Variants in MDK observed in about 807,000 individuals in gnomAD.
MDK encodes midkine.
A neutral mutation model predicts 18.9 loss-of-function variants in MDK; 17 were observed. The ratio of observed to expected loss-of-function variants is 0.90; its 90% CI spans 0.62 to 1.35. MDK has a LOEUF of 1.35. MDK is among the 40% of genes most tolerant of loss of function. MDK has a pLI of 0.00. For synonymous variants in MDK, 86 were observed against 74.3 expected (o/e 1.16, Z -0.81); for missense variants, 180 against 186.3 (o/e 0.97, Z 0.20).
intron 4 of MDK, 97 bp downstream of exon 4, chr11:46,382,845 G>A (rs1282385714): frequency 7.1e-7 from 1 of 1,399,846 alleles, no homozygotes; most frequent in South Asian, 1.2e-5. Flanking sequence ...CTTAAGTTTT[G>A]AGTCCTGGCC....
chr11:46,382,790 G>GGGGGGGGGGGGGGGGGGCCC, intron 4 of MDK, 42 bp downstream of exon 4: 2 of 987,054 alleles, frequency 2.0e-6, no homozygotes, highest in African/African-American at 3.0e-5. Context: ...GCGGGGGGCT[G>GGGGGGGGGGGGGGGGGGCCC]CCCCCCCCCC....
At chr11:46,382,903 C>A (rs1945266529) in intron 4 of MDK, 155 bp downstream of exon 4, 2 of 874,986 alleles carry the variant, frequency 2.3e-6, no homozygotes, top group African/African-American at 1.7e-5. Context: ...CTGGAAAAGT[C>A]TGAAGATGGG....
At position 46,382,575 on chromosome 11, in the gene MDK, C is replaced by T. The variant is rs1265019250; in HGVS notation, c.245-12C>T. On this transcript the variant is annotated splice_polypyrimidine_tract_variant and intron_variant, in intron 3 of 4. Transcript: ENST00000395566. ...GGCCGCGCAGCGCTGACCTGGGCCG[C>T]TCTCTCGCCAGCCGACTGCAAGTAC... 7 of 1,603,310 alleles carry T rather than the reference C, an allele frequency of 4.4e-6. No homozygotes were observed. The highest frequency in any genetic ancestry group is 1.3e-5 in the African/African-American group (1 of 74,756).
At chr11:46,382,781 C>CGGGGGGGGGGGGG (rs1342765590) in intron 4 of MDK, 33 bp downstream of exon 4, 3 of 470,122 alleles carry the variant, frequency 6.4e-6, no homozygotes, top group Non-Finnish European at 6.1e-6. Context: ...GGGGCTGTCG[C>CGGGGGGGGGGGGG]GGGGGGCTGC....
intron 4 of MDK, 42 bp downstream of exon 4, chr11:46,382,790 G>GGGGGGGGGCGCC: frequency 1.0e-6 from 1 of 985,982 alleles, no homozygotes; most frequent in Non-Finnish European, 1.3e-6. Flanking sequence ...GCGGGGGGCT[G>GGGGGGGGGCGCC]CCCCCCCCCC....
chr11:46,383,601 G>C lies in MDK; in HGVS notation c.*107G>C, dbSNP rs766928058. On this transcript the variant is annotated 3_prime_UTR_variant, in exon 5 of 5. Coordinates refer to ENST00000395566, the MANE Select transcript of MDK (RefSeq NM_002391.6). ...ACCCACCAGTGCCTTCTGTCTGCTC[G>C]TTAGCTTTAATCAATCATGCCCTGC... 6 of 1,007,344 alleles carry C rather than the reference G, an allele frequency of 6.0e-6. No individual in the cohort carries two copies. The African/African-American group carries it at 6.3e-5, about 11-fold the overall frequency. The allele number at this position is 1,007,344 out of a possible 1,614,324, so 62.4% of individuals were successfully genotyped here. A position where few individuals can be genotyped will look rare whatever the true frequency, so the allele number is the denominator to read the frequency against.
At chr11:46,382,790 G>GGCC (rs1945254785) in intron 4 of MDK, 42 bp downstream of exon 4, 1 of 985,980 alleles carries the variant, frequency 1.0e-6, no homozygotes, top group Non-Finnish European at 1.3e-6. Flanking sequence ...GCGGGGGGCT[G>GGCC]CCCCCCCCCC....
At position 46,382,644 on chromosome 11, in the gene MDK, A is replaced by G; in HGVS notation, c.302A>G (p.Lys101Arg). ...WGACDGGTGT[K>R]VRQGTLKKAR... ...GCGTGTGATGGGGGCACAGGCACCA[A>G]AGTCCGCCAAGGCACCCTGAAGAAG... Residue 101 changes from lysine (K) to arginine (R), a missense_variant, in exon 4 of 5, where the codon AAA (lysine) becomes AGA (arginine). Transcript: ENST00000395566. 2 of 1,612,970 alleles carry G rather than the reference A, an allele frequency of 1.2e-6. No homozygotes were observed. Among genetic ancestry groups the G allele is most frequent in the African/African-American group, 1.3e-5 (1 of 75,024 alleles).
intron 4 of MDK, 42 bp downstream of exon 4, chr11:46,382,790 G>GGGGGGGGGGGGGGGGC: frequency 1.3e-5 from 13 of 985,974 alleles, no homozygotes; most frequent in East Asian, 1.1e-4. Context: ...GCGGGGGGCT[G>GGGGGGGGGGGGGGGGC]CCCCCCCCCC....
At chr11:46,381,901 C>T in intron 1 of MDK, 143 bp downstream of exon 1, 2 of 735,908 alleles carry the variant, frequency 2.7e-6, no homozygotes, top group South Asian at 1.8e-5. Context: ...TCCGGGCTAG[C>T]GGCGAGGGGC....
chr11:46,382,778 T>C (rs1945252180), intron 4 of MDK, 30 bp downstream of exon 4: 2 of 1,321,514 alleles, frequency 1.5e-6, no homozygotes, highest in South Asian at 1.3e-5. Flanking sequence ...GGTGGGGCTG[T>C]CGCGGGGGGC....
chr11:46,380,879 G>A (rs1436767456), upstream of MDK: 1 of 152,246 alleles, frequency 6.6e-6, no homozygotes, highest in African/African-American at 2.4e-5. Flanking sequence ...AGGCCTCGGG[G>A]GCTCTCCCGG....
In MDK at chr11:46,381,765, G is replaced by C; in HGVS notation, c.-2+7G>C. 1 of 270,410 alleles carries C rather than the reference G, an allele frequency of 3.7e-6. No homozygotes were observed. Among genetic ancestry groups the C allele is most frequent in the African/African-American group, 2.2e-5 (1 of 44,516 alleles). The allele number at this position is 270,410 out of a possible 1,614,324, so 16.8% of individuals were successfully genotyped here. ...CAGCGCGGGCAGCGAGCGAGTGAGC[G>C]CGCGGCGGCCCCTGGTCCGCCCGGC... On this transcript the variant is annotated splice_region_variant and intron_variant, in intron 1 of 4. Coordinates refer to ENST00000395566, the MANE Select transcript of MDK (RefSeq NM_002391.6).
At chr11:46,381,065 C>T (rs1945149761), upstream of MDK, 1 of 152,480 alleles carries the variant, frequency 6.6e-6, no homozygotes, top group Non-Finnish European at 1.5e-5. Context: ...GTCCCTCAAG[C>T]CTGTGCTCCC....
intron 4 of MDK, 42 bp downstream of exon 4, chr11:46,382,790 G>GGGGGGGGGGCCC: frequency 4.5e-5 from 44 of 986,990 alleles, no homozygotes; most frequent in East Asian, 1.9e-4. Flanking sequence ...GCGGGGGGCT[G>GGGGGGGGGGCCC]CCCCCCCCCC....
In MDK at chr11:46,383,593, G is replaced by A; in HGVS notation, c.*99G>A. The A allele has an allele frequency of 9.4e-7, 1 of 1,061,026 alleles. No homozygotes were observed. Among genetic ancestry groups the A allele is most frequent in the Admixed American group, 1.7e-5 (1 of 58,990 alleles). 65.7% of individuals were successfully genotyped at this position (1,061,026 alleles called of 1,614,324 possible). On this transcript the variant is annotated 3_prime_UTR_variant, in exon 5 of 5. Coordinates refer to ENST00000395566, the MANE Select transcript of MDK (RefSeq NM_002391.6). The stretch of plus-strand genomic sequence containing the variant: ...GAGATGTGACCCACCAGTGCCTTCT[G>A]TCTGCTCGTTAGCTTTAATCAATCA...
chr11:46,383,185 G>A (rs1370654509), intron 4 of MDK: 1 of 426,532 alleles, frequency 2.3e-6, no homozygotes, highest in South Asian at 2.8e-5. Flanking sequence ...GAATCTGCCC[G>A]CTTCTCAGGT....
chr11:46,382,331 T>C lies in MDK; in HGVS notation c.114T>C (p.Ala38=), dbSNP rs373502349. ...VKKGGPGSEC[A]EWAWGPCTPS... is the part of the protein sequence containing the mutation. ...AGGGCGGCCCGGGGAGCGAGTGCGC[T>C]GAGTGGGCCTGGGGGCCCTGCACCC... is the stretch of plus-strand genomic sequence containing the variant. The change falls in exon 3 of 5, where the codon GCT becomes GCC. Residue 38 remains alanine (A), a synonymous_variant. Transcript: ENST00000395566. 5 of 1,606,678 alleles carry C rather than the reference T, an allele frequency of 3.1e-6. No individual in the cohort carries two copies. In the South Asian group the frequency reaches 4.4e-5, roughly 14 times the overall value.
intron 2 of MDK, 46 bp downstream of exon 2, chr11:46,382,179 C>T: frequency 6.2e-7 from 1 of 1,607,224 alleles, no homozygotes. Context: ...GCAGGCGAGG[C>T]CCCTCCACTT....
Sources: gnomAD v4.1 joint callset for allele counts on GRCh38, gnomAD v4.1.1 for gene constraint, MANE v1.5 for transcripts, NCBI Gene and HGNC (gene_info 2026-07-23, HGNC 2026-07-21) for gene names.